The following PDZD7 variants were observed in gnomAD, a reference collection of about 807,000 sequenced individuals.
The protein encoded by PDZD7 is PDZ domain-containing protein 7.
Under a neutral mutation model 84.7 loss-of-function variants are expected in PDZD7, and 72 were observed. That is an observed-to-expected ratio of 0.85 (90% CI 0.70 to 1.03). The LOEUF (loss-of-function observed/expected upper bound fraction) is 1.03, where lower values mean the gene tolerates loss of function less well. PDZD7 is among the 50% of genes least tolerant of loss of function. The pLI, the probability that PDZD7 is intolerant of heterozygous loss-of-function variation, is 0.00. For missense variants in PDZD7, 1,490 were observed against 1,412.9 expected (o/e 1.05, Z -0.87); for synonymous variants, 594 against 580.7 (o/e 1.02, Z -0.33).
In PDZD7 at chr10:101,021,865, T is replaced by A. The variant is rs1813338284; in HGVS notation, c.800A>T (p.Asp267Val). The change falls in exon 6 of 17, where the codon GAC becomes GTC. Residue 267 changes from aspartate to valine, a missense_variant. By Grantham distance (152) the Asp-to-Val change is radical. Coordinates refer to ENST00000619208, the MANE Select transcript of PDZD7 (RefSeq NM_001195263.2). The stretch of plus-strand genomic sequence containing the variant: ...CACGGCCTGGCTGTGGCTGATGTCG[T>A]CAAACCTGACACCGTTGGCTGCCAG... ...QVLAANGVRF[D>V]DISHSQAVEV... 1 of 1,614,094 alleles carries A rather than the reference T, an allele frequency of 6.2e-7. No individual in the cohort carries two copies. Among genetic ancestry groups the A allele is most frequent in the East Asian group, 2.2e-5 (1 of 44,870 alleles).
chr10:101,028,596 C>T (rs1937858584), intron 2 of PDZD7, among the ~76,000 whole-genome samples: 2 of 136,374 alleles, frequency 1.5e-5, no homozygotes, highest in African/African-American at 5.2e-5. Context: ...AAGACCCTTT[C>T]CCTCTTAAAA....
At position 101,019,031 on chromosome 10, in the gene PDZD7, G is replaced by T. The variant is rs377765391; in HGVS notation, c.1115C>A (p.Thr372Lys). Residue 372 changes from threonine (T) to lysine (K), a missense_variant, in exon 8 of 17, where the codon ACG (threonine) becomes AAG (lysine). Transcript: ENST00000619208. ...GWGRADTAMQ[T>K]EPDAGGRVET... The stretch of plus-strand genomic sequence containing the variant: ...CACCCGGCCTCCCGCATCGGGCTCC[G>T]TCTGCATGGCTGTGTCCGCCCGCCC... The T allele has an allele frequency of 1.1e-4, 170 of 1,573,516 alleles. 1 individual carries two copies. The African/African-American group carries it at 1.9e-3, about 18-fold the overall frequency.
chr10:101,021,767 C>T, intron 6 of PDZD7, 31 bp downstream of exon 6: 1 of 1,614,198 alleles, frequency 6.2e-7, no homozygotes, highest in South Asian at 1.1e-5. Context: ...ACTCTAGCCT[C>T]ACCTCTCCCT....
At position 101,007,809 on chromosome 10, in the gene PDZD7, TAA is replaced by T. The variant is rs201110369; in HGVS notation, c.*656_*657del. 7 of 328,116 alleles carry T rather than the reference TAA, an allele frequency of 2.1e-5. No homozygotes were observed. Among genetic ancestry groups the T allele is most frequent in the African/African-American group, 1.7e-4 (7 of 41,692 alleles). 20.3% of individuals were successfully genotyped at this position (328,116 alleles called of 1,614,324 possible). On this transcript the variant is annotated 3_prime_UTR_variant, in exon 17 of 17. Coordinates refer to ENST00000619208, the MANE Select transcript of PDZD7 (RefSeq NM_001195263.2). The stretch of plus-strand genomic sequence containing the variant: ...TCTTGTACAAACCCAAAGAAAAAAT[TAA>T]AAAAAATTTTTTTGTTTAAAAATAA...
chr10:101,012,314 AG>A, intron 11 of PDZD7, 56 bp from the exon 12 acceptor site: 8 of 1,390,672 alleles, frequency 5.8e-6, no homozygotes, highest in Non-Finnish European at 8.0e-6. Flanking sequence ...GAGCTGAGTG[AG>A]GGGGACACCA....
rs2133992491 is a variant in PDZD7, at chr10:101,008,689, G to A, written c.2880C>T (p.Asp960=). 6.5e-7 allele frequency: 1 copy of A among 1,536,046 alleles called. No individual in the cohort carries two copies. Among genetic ancestry groups the A allele is most frequent in the African/African-American group, 1.4e-5 (1 of 73,120 alleles). Residue 960 remains aspartate, a synonymous_variant, in exon 17 of 17, where the codon GAC becomes GAT. Coordinates refer to ENST00000619208, the MANE Select transcript of PDZD7 (RefSeq NM_001195263.2). ...PGPSPRPSPS[D]SSALTDGGLP... ...GGCCCCCATCAGTAAGGGCTGATGA[G>A]TCAGAGGGTGAGGGCCGTGGGCTGG...
At chr10:101,018,351 C>G in intron 8 of PDZD7, 55 bp from the exon 9 acceptor site, 1 of 1,568,612 alleles carries the variant, frequency 6.4e-7, no homozygotes, top group Non-Finnish European at 8.8e-7. Context: ...AAGGGAAGGA[C>G]GAGGGGCAGG....
intron 10 of PDZD7, 108 bp downstream of exon 10, chr10:101,016,269 T>G (rs1852621038): frequency 2.6e-6 from 3 of 1,166,910 alleles, no homozygotes; most frequent in Non-Finnish European, 3.7e-6. Context: ...TCCCCCATGC[T>G]TGACCCTGAC....
rs536348228 is a variant in PDZD7 at position 101,019,062 on chromosome 10, C to G, written c.1084G>C (p.Gly362Arg). 5.1e-6 allele frequency: 8 copies of G among 1,577,492 alleles called. No individual in the cohort carries two copies. The highest frequency in any genetic ancestry group is 6.9e-6 in the Non-Finnish European group (8 of 1,167,486). Reference sequence around the variant, plus strand: ...ATGGCTGTGTCCGCCCGCCCCCAGCCTGGGCCGCGGCTGCCGGGCTCCTCC... The same window carrying G: ...ATGGCTGTGTCCGCCCGCCCCCAGCGTGGGCCGCGGCTGCCGGGCTCCTCC... Reference protein sequence around the residue: ...GQEEPGSRGPGWGRADTAMQT... With the variant: ...GQEEPGSRGPRWGRADTAMQT... The change falls in exon 8 of 17, where the codon GGC becomes CGC. Residue 362 changes from glycine (G) to arginine (R), a missense_variant. Transcript: ENST00000619208.
In PDZD7 at chr10:101,030,155, A is replaced by C. The variant is rs1938024011; in HGVS notation, c.65T>G (p.Leu22Arg). 2 of 1,614,044 alleles carry C rather than the reference A, an allele frequency of 1.2e-6. No homozygotes were observed. Among genetic ancestry groups the C allele is most frequent in the Non-Finnish European group, 1.7e-6 (2 of 1,179,996 alleles). Reference protein sequence around the residue: ...LGLGDLSSGSLSSLSSRGHLG... With the variant: ...LGLGDLSSGSRSSLSSRGHLG... ...GTGGCCTCGGGAGGAGAGGGAGCTC[A>C]GAGAGCCGGAGCTCAGGTCTCCTAG... Residue 22 changes from leucine to arginine, a missense_variant, in exon 2 of 17, where the codon CTG (leucine) becomes CGG (arginine). Physicochemically the swap from Leu to Arg is moderately radical, Grantham distance 102. Coordinates refer to ENST00000619208, the MANE Select transcript of PDZD7 (RefSeq NM_001195263.2).
At chr10:101,011,287 C>T (rs1852385859) in intron 14 of PDZD7, 2 of 369,834 alleles carry the variant, frequency 5.4e-6, no homozygotes, top group South Asian at 7.4e-5. Context: ...GCGATCCACC[C>T]GCCTCAGCCT....
rs138858487 is a variant in PDZD7 at position 101,023,475 on chromosome 10, C to A, written c.503G>T (p.Arg168Leu). 2.5e-6 allele frequency: 4 copies of A among 1,614,082 alleles called. No homozygotes were observed. The East Asian group carries it at 8.9e-5, about 36-fold the overall frequency. ...RLHMMVRRMG[R>L]VPGIKFSKEK... ...CTTGGAGAACTTGATGCCCGGCACA[C>A]GGCCCATGCGCCGAACCATCATGTG... Residue 168 changes from arginine (R) to leucine (L), a missense_variant, in exon 4 of 17, where the codon CGT becomes CTT. Physicochemically the swap from Arg to Leu is moderately radical, Grantham distance 102. Transcript: ENST00000619208.
At chr10:101,028,941 C>A (rs978121985) in intron 2 of PDZD7, among the ~76,000 whole-genome samples, 4 of 152,210 alleles carry the variant, frequency 2.6e-5, no homozygotes, top group African/African-American at 9.7e-5. Flanking sequence ...CATGCCCCAC[C>A]CTGCTCCAGT....
intron 11 of PDZD7, among the ~76,000 whole-genome samples, chr10:101,014,139 G>A (rs1296195550): frequency 6.6e-6 from 1 of 151,880 alleles, no homozygotes. Context: ...GATTACAGGC[G>A]TGAGCCACCG....
rs747536638 is a variant in PDZD7, at chr10:101,012,260, T to C, written c.1750-2A>G. Reference sequence around the variant, plus strand: ...CTCTATGCCTCCCTCGTGCACATACTGCAGATAGAGGCAGCACAGGTCAGA... The same window carrying C: ...CTCTATGCCTCCCTCGTGCACATACCGCAGATAGAGGCAGCACAGGTCAGA... On this transcript the variant is annotated splice_acceptor_variant, in intron 11 of 16. Transcript: ENST00000619208. LOFTEE classifies it high-confidence loss of function. The C allele has an allele frequency of 5.2e-6, 8 of 1,549,298 alleles. No homozygotes were observed. The highest frequency in any genetic ancestry group is 7.0e-6 in the Non-Finnish European group (8 of 1,146,612).
In PDZD7 at chr10:101,015,667, T is replaced by C. The variant is rs973949586; in HGVS notation, c.1718A>G (p.Glu573Gly). The change falls in exon 11 of 17, where the codon GAG becomes GGG. Residue 573 changes from glutamate (E) to glycine (G), a missense_variant. Coordinates refer to ENST00000619208, the MANE Select transcript of PDZD7 (RefSeq NM_001195263.2). ...GCAGTGGCGGGTGACAGCCAGCACC[T>C]CGTCATCAGTCAGCAGCCTCTGGGC... ...DLAQRLLTDD[E>G]VLAVTRHCSR... 1 of 1,550,320 alleles carries C rather than the reference T, an allele frequency of 6.5e-7. No homozygotes were observed. The highest frequency in any genetic ancestry group is 2.0e-5 in the Admixed American group (1 of 50,992).
Position 101,021,778 on chromosome 10 carries a change from AC to A in PDZD7, c.867+19del, listed in dbSNP as rs764939492. On this transcript the variant is annotated intron_variant, in intron 6 of 16. Transcript: ENST00000619208. ...CCCTACTCTAGCCTCACCTCTCCCTACCCCCACTGTTCTGCCCACCTTGATG... is the reference window on the plus strand; with the variant it reads ...CCCTACTCTAGCCTCACCTCTCCCTACCCCACTGTTCTGCCCACCTTGATG... The A allele has an allele frequency of 2.8e-5, 45 of 1,613,430 alleles. No homozygotes were observed. The highest frequency in any genetic ancestry group is 4.0e-5 in the African/African-American group (3 of 74,660).
chr10:101,018,179 G>C lies in PDZD7; in HGVS notation c.1442C>G (p.Ala481Gly), dbSNP rs781503174. The change falls in exon 9 of 17, where the codon GCG (alanine) becomes GGG (glycine). Residue 481 changes from alanine to glycine, a missense_variant. Ala to Gly is a moderately conservative substitution (Grantham distance 60, BLOSUM62 0). Transcript: ENST00000619208. ...FFKGGRQGRL[A>G]RDGRREAWTL... is the part of the protein sequence containing the mutation. ...CCAGGCCTCTCTGCGCCCGTCCCGCGCTAGCCTCCCCTGCCGCCCTCCCTT... is the reference window on the plus strand; with the variant it reads ...CCAGGCCTCTCTGCGCCCGTCCCGCCCTAGCCTCCCCTGCCGCCCTCCCTT... 4 of 1,614,234 alleles carry C rather than the reference G, an allele frequency of 2.5e-6. No homozygotes were observed. The South Asian group carries it at 4.4e-5, about 18-fold the overall frequency.
intron 11 of PDZD7, among the ~76,000 whole-genome samples, 189 bp downstream of exon 11, chr10:101,015,447 T>C (rs1852572670): frequency 6.7e-6 from 1 of 150,248 alleles, no homozygotes; most frequent in African/African-American, 2.4e-5. Context: ...CTAGCTCTTC[T>C]TCCTGTGAGC....
Sources: gnomAD v4.1 joint callset for allele counts (sites outside exome capture counted in the v4.1 genomes callset) on GRCh38, gnomAD v4.1.1 for gene constraint, MANE v1.5 for transcripts, NCBI Gene and HGNC (gene_info 2026-07-23, HGNC 2026-07-21) for gene names.